Variants in ADAM28 observed in about 807,000 individuals in gnomAD.
ADAM28 encodes the protein disintegrin and metalloproteinase domain-containing protein 28.
Under a neutral mutation model 101.2 loss-of-function variants are expected in ADAM28, and 105 were observed. The ratio of observed to expected loss-of-function variants is 1.04; its 90% CI spans 0.89 to 1.22. ADAM28 has a LOEUF of 1.22. Among genes scored for constraint, ADAM28 ranks in the 50% most tolerant of loss-of-function variants. The pLI, the probability that ADAM28 is intolerant of heterozygous loss-of-function variation, is 0.00. For synonymous variants in ADAM28, 322 were observed against 310.6 expected (o/e 1.04, Z -0.39); for missense variants, 1,028 against 945.4 (o/e 1.09, Z -1.15).
At chr8:24,317,735 A>C (rs1811349145) in intron 6 of ADAM28, among the ~76,000 whole-genome samples, 1 of 152,090 alleles carries the variant, frequency 6.6e-6, no homozygotes, top group East Asian at 1.9e-4. Flanking sequence ...ACAAAATGAA[A>C]AGGAATCTAA....
At chr8:24,312,462 CTA>C in intron 5 of ADAM28, among the ~76,000 whole-genome samples, 1 of 152,184 alleles carries the variant, frequency 6.6e-6, no homozygotes, top group Non-Finnish European at 1.5e-5. Flanking sequence ...CATTCTGTCT[CTA>C]CTACGATATC....
chr8:24,309,799 A>C, intron 2 of ADAM28, 95 bp from the exon 3 acceptor site: 1 of 946,158 alleles, frequency 1.1e-6, no homozygotes, highest in Non-Finnish European at 1.6e-6. Flanking sequence ...ACTGCTAAAA[A>C]ATAGATATTG....
chr8:24,343,476 G>T, intron 17 of ADAM28, 30 bp from the exon 18 acceptor site: 1 of 1,608,606 alleles, frequency 6.2e-7, no homozygotes, highest in East Asian at 2.2e-5. Context: ...CAGCCTAGCG[G>T]GGACAGTAAC....
At chr8:24,297,673 T>C (rs529983586) in intron 1 of ADAM28, among the ~76,000 whole-genome samples, 71 of 152,344 alleles carry the variant, frequency 4.7e-4, no homozygotes, top group African/African-American at 1.6e-3. Flanking sequence ...GGGTGCCTTA[T>C]GGTATGCTTG....
intron 14 of ADAM28, chr8:24,336,058 G>C (rs1814006321): frequency 1.0e-6 from 1 of 993,894 alleles, no homozygotes; most frequent in Non-Finnish European, 1.2e-6. Flanking sequence ...GTGTGTGTGT[G>C]TGCAGGGGTG....
At chr8:24,302,098 G>A (rs940549009) in intron 2 of ADAM28, among the ~76,000 whole-genome samples, 7 of 151,970 alleles carry the variant, frequency 4.6e-5, no homozygotes, top group South Asian at 4.2e-4. Flanking sequence ...CCCTTGCCCC[G>A]CCGCCTACCA....
chr8:24,306,117 G>C (rs112674891), intron 2 of ADAM28, among the ~76,000 whole-genome samples: 7,122 of 151,622 alleles, frequency 0.047, 571 homozygotes, highest in African/African-American at 0.16. Flanking sequence ...GCGGGTGGAT[G>C]ACGAGGTCAG....
intron 14 of ADAM28, among the ~76,000 whole-genome samples, chr8:24,336,365 C>T (rs922961632): frequency 5.9e-5 from 9 of 151,630 alleles, no homozygotes; most frequent in East Asian, 1.9e-4. Context: ...GGGCGGATCA[C>T]GAGGTCAGGA....
rs1340603323 is a variant in ADAM28, at chr8:24,343,551, C to T, written c.1957C>T (p.Pro653Ser). 1 of 1,613,730 alleles carries T rather than the reference C, an allele frequency of 6.2e-7. No individual in the cohort carries two copies. Among genetic ancestry groups the T allele is most frequent in the Admixed American group, 1.7e-5 (1 of 59,960 alleles). The change falls in exon 18 of 23, where the codon CCT becomes TCT. Residue 653 changes from proline to serine, a missense_variant. Transcript: ENST00000265769. ...LQCQCEEGWI[P>S]PDCDDSSVVF... ...GTGTCAATGTGAGGAAGGATGGATC[C>T]CTCCCGACTGCGATGACTCCTCAGT...
intron 18 of ADAM28, among the ~76,000 whole-genome samples, chr8:24,344,496 A>G (rs975314257): frequency 2.0e-5 from 3 of 152,172 alleles, no homozygotes; most frequent in Non-Finnish European, 4.4e-5. Context: ...CCTCAGTGAG[A>G]TATCTGCCCC....
Position 24,323,861 on chromosome 8 carries a change from G to T in ADAM28, c.748G>T (p.Ala250Ser). Reference sequence around the variant, plus strand: ...TTATAAAAAGCTCAATACTCATGTGGCCTTAGTTGGTATGGAAATCTGGAC... The same window carrying T: ...TTATAAAAAGCTCAATACTCATGTGTCCTTAGTTGGTATGGAAATCTGGAC... The part of the protein sequence containing the change: ...MLYKKLNTHV[A>S]LVGMEIWTDK... Residue 250 changes from alanine (A) to serine (S), a missense_variant, in exon 9 of 23, where the codon GCC becomes TCC. By Grantham distance (99) the Ala-to-Ser change is moderately conservative (BLOSUM62 1). Coordinates refer to ENST00000265769, the MANE Select transcript of ADAM28 (RefSeq NM_014265.6). 2 of 1,611,816 alleles carry T rather than the reference G, an allele frequency of 1.2e-6. No homozygotes were observed. Among genetic ancestry groups the T allele is most frequent in the Non-Finnish European group, 1.7e-6 (2 of 1,178,594 alleles).
chr8:24,306,460 C>T (rs377415735), intron 2 of ADAM28, among the ~76,000 whole-genome samples: 78 of 148,670 alleles, frequency 5.2e-4, no homozygotes, highest in African/African-American at 1.9e-3. Flanking sequence ...CAGAATGAAT[C>T]TAATTTTCCC....
chr8:24,352,829 C>A (rs1376945525), intron 21 of ADAM28, among the ~76,000 whole-genome samples: 1 of 152,140 alleles, frequency 6.6e-6, no homozygotes, highest in East Asian at 1.9e-4. Flanking sequence ...AGGACCCTAT[C>A]TTTGAATGTA....
chr8:24,344,165 T>A (rs1359288117), intron 18 of ADAM28, among the ~76,000 whole-genome samples: 4 of 152,274 alleles, frequency 2.6e-5, no homozygotes, highest in African/African-American at 9.6e-5. Context: ...GGGAGCTCTA[T>A]GGGCAGGTAG....
At position 24,356,945 on chromosome 8, in the gene ADAM28, G is replaced by A. The variant is rs1273171297; in HGVS notation, c.*2541G>A. 6.6e-6 allele frequency: 1 copy of A among 152,164 alleles called. No homozygotes were observed. Among genetic ancestry groups the A allele is most frequent in the Non-Finnish European group, 1.5e-5 (1 of 68,018 alleles). 9.4% of individuals were successfully genotyped at this position (152,164 alleles called of 1,614,324 possible). A position where few individuals can be genotyped will look rare whatever the true frequency, so the allele number is the denominator to read the frequency against. ...AGAAAGCAAATTTTAGTTGGTTGCA[G>A]TCAGAGAATATGGAAAGGGTTATTA... On this transcript the variant is annotated 3_prime_UTR_variant, in exon 23 of 23. Transcript: ENST00000265769.
At chr8:24,316,998 A>AG (rs77888893) in intron 6 of ADAM28, among the ~76,000 whole-genome samples, 27,482 of 151,902 alleles carry the variant, frequency 0.18, 2,658 homozygotes, top group East Asian at 0.34. Flanking sequence ...AATTTTACTA[A>AG]GGAGGTGAAA....
rs372838794 is a variant in ADAM28, at chr8:24,329,949, A to T, written c.973-36A>T. ...TAGAGTGATGTATAATTTCATTCGA[A>T]AATCAGAGAATCTTTTTCTTCTTTC... is the stretch of plus-strand genomic sequence containing the variant. On this transcript the variant is annotated intron_variant, in intron 10 of 22. Transcript: ENST00000265769. The T allele has an allele frequency of 6.2e-5, 99 of 1,590,654 alleles. No individual in the cohort carries two copies. The African/African-American group carries it at 1.2e-3, about 20-fold the overall frequency.
intron 2 of ADAM28, among the ~76,000 whole-genome samples, chr8:24,304,716 A>C (rs1171058294): frequency 6.6e-5 from 10 of 151,984 alleles, no homozygotes; most frequent in Admixed American, 4.6e-4. Flanking sequence ...AATACAAAAA[A>C]TTAGCTGGGT....
intron 9 of ADAM28, among the ~76,000 whole-genome samples, chr8:24,325,886 A>AACAAACAAAC (rs1812514522): frequency 3.1e-5 from 4 of 130,224 alleles, no homozygotes; most frequent in East Asian, 2.7e-4. Flanking sequence ...AAAAAAAAAA[A>AACAAACAAAC]AAAAAAAAAA....
Sources: gnomAD v4.1 joint callset for allele counts (sites outside exome capture counted in the v4.1 genomes callset) on GRCh38, gnomAD v4.1.1 for gene constraint, MANE v1.5 for transcripts, NCBI Gene and HGNC (gene_info 2026-07-23, HGNC 2026-07-21) for gene names.